The following ATP8A2 variants were observed in gnomAD, a reference collection of about 807,000 sequenced individuals.
ATP8A2 encodes the protein ATPase phospholipid transporting 8A2.
Under a neutral mutation model 165.6 loss-of-function variants are expected in ATP8A2, and 100 were observed. The observed-to-expected ratio is 0.60, with a 90% confidence interval of 0.51 to 0.71. ATP8A2 has a LOEUF of 0.71. ATP8A2 is among the 30% of genes least tolerant of loss of function. The probability of loss-of-function intolerance (pLI) is 0.00; values close to 1 mark genes in which losing one functional copy is unlikely to be tolerated. For synonymous variants in ATP8A2, 543 were observed against 548.8 expected (o/e 0.99, Z 0.15); for missense variants, 1,227 against 1,479.5 (o/e 0.83, Z 2.80).
chr13:25,935,971 T>C (rs548874446), intron 33 of ATP8A2, among the ~76,000 whole-genome samples: 84 of 152,348 alleles, frequency 5.5e-4, no homozygotes, highest in African/African-American at 1.9e-3. Flanking sequence ...ATTTTGAATG[T>C]TACCATAAAC....
At chr13:25,867,102 A>G (rs1045365015) in intron 33 of ATP8A2, among the ~76,000 whole-genome samples, 2 of 151,284 alleles carry the variant, frequency 1.3e-5, no homozygotes, top group African/African-American at 4.9e-5. Context: ...TGCAGTGACA[A>G]GCTCCTGACT....
chr13:25,711,157 A>G (rs1477661163), intron 25 of ATP8A2, among the ~76,000 whole-genome samples: 1 of 152,040 alleles, frequency 6.6e-6, no homozygotes, highest in Non-Finnish European at 1.5e-5. Context: ...GGGGCGTGCC[A>G]CCACACCCAG....
chr13:25,472,181 G>C (rs919015294), intron 2 of ATP8A2, among the ~76,000 whole-genome samples: 2 of 152,144 alleles, frequency 1.3e-5, no homozygotes, highest in Non-Finnish European at 2.9e-5. Context: ...ATCACTTGAA[G>C]CCAGGAGTTT....
intron 1 of ATP8A2, among the ~76,000 whole-genome samples, chr13:25,416,854 C>A (rs1426746322): frequency 1.3e-5 from 2 of 152,112 alleles, no homozygotes; most frequent in Non-Finnish European, 2.9e-5. Flanking sequence ...GTACATAAAG[C>A]AACTTCTTTT....
At chr13:25,841,051 G>C (rs1482102632) in intron 30 of ATP8A2, among the ~76,000 whole-genome samples, 1 of 152,206 alleles carries the variant, frequency 6.6e-6, no homozygotes. Context: ...GCTTCAAAAG[G>C]AACTAGTGTG....
At chr13:25,963,792 C>T (rs901358712) in intron 34 of ATP8A2, among the ~76,000 whole-genome samples, 22 of 152,192 alleles carry the variant, frequency 1.4e-4, no homozygotes, top group African/African-American at 1.7e-4. Context: ...TTTTCCAGTG[C>T]GTTCTGAGTA....
chr13:25,613,167 A>G (rs2040732585), intron 24 of ATP8A2, among the ~76,000 whole-genome samples: 2 of 152,130 alleles, frequency 1.3e-5, no homozygotes, highest in South Asian at 4.1e-4. Context: ...TCATCATGCT[A>G]TTTGTTACCT....
chr13:25,399,425 G>T (rs1480465585), intron 1 of ATP8A2, among the ~76,000 whole-genome samples: 57 of 64,866 alleles, frequency 8.8e-4, no homozygotes, highest in East Asian at 2.2e-3. Flanking sequence ...TTGAGACGGA[G>T]TTTCGCTCTG....
Position 25,532,438 on chromosome 13 carries a change from TAAAG to T in ATP8A2, c.466+125_466+128del, listed in dbSNP as rs376464672. The T allele has an allele frequency of 9.9e-4, 641 of 650,446 alleles. 9 individuals are homozygous for T. Among genetic ancestry groups the T allele is most frequent in the African/African-American group, 9.6e-3 (507 of 52,698 alleles). 40.3% of individuals were successfully genotyped at this position (650,446 alleles called of 1,614,324 possible). A position where few individuals can be genotyped will look rare whatever the true frequency, so the allele number is the denominator to read the frequency against. On this transcript the variant is annotated intron_variant, in intron 5 of 36. Coordinates refer to ENST00000381655, the MANE Select transcript of ATP8A2 (RefSeq NM_016529.6). Reference sequence around the variant, plus strand: ...TAAATTGGGAAGATGATCTATAAAATAAAGAAATAGTAAAATAACAAACAAACTG... The same window carrying T: ...TAAATTGGGAAGATGATCTATAAAATAAATAGTAAAATAACAAACAAACTG...
Position 25,581,843 on chromosome 13 carries a change from GC to G in ATP8A2, c.2034del (p.Ile679Ter). 6.2e-7 allele frequency: 1 copy of G among 1,614,090 alleles called. No individual in the cohort carries two copies. Among genetic ancestry groups the G allele is most frequent in the South Asian group, 1.1e-5 (1 of 91,062 alleles). The stretch of plus-strand genomic sequence containing the variant: ...GAATTTGCTGCTACTTGGAGCCACA[GC>G]CATAGAAGATCGCCTTCAAGCAGGA... ...EKNLLLLGAT[A>X]IEDRLQAGVP... On this transcript the variant is annotated frameshift_variant, in exon 23 of 37. Transcript: ENST00000381655. LOFTEE classifies it high-confidence loss of function.
chr13:25,904,129 T>G (rs1357689992), intron 33 of ATP8A2, among the ~76,000 whole-genome samples: 1 of 152,216 alleles, frequency 6.6e-6, no homozygotes, highest in Non-Finnish European at 1.5e-5. Flanking sequence ...AGATCCAAAG[T>G]GCTCTAGCAA....
intron 35 of ATP8A2, among the ~76,000 whole-genome samples, chr13:25,979,128 C>T (rs1956127507): frequency 6.6e-6 from 1 of 151,736 alleles, no homozygotes; most frequent in Non-Finnish European, 1.5e-5. Context: ...GTAAAGCCAG[C>T]ACTTGGAAAG....
At chr13:25,544,829 G>A (rs984197037) in intron 10 of ATP8A2, among the ~76,000 whole-genome samples, 1 of 152,088 alleles carries the variant, frequency 6.6e-6, no homozygotes, top group Non-Finnish European at 1.5e-5. Context: ...GTGAGTGACA[G>A]GGAGCAACTG....
At chr13:25,505,780 C>A (rs1336825970) in intron 2 of ATP8A2, among the ~76,000 whole-genome samples, 1 of 152,196 alleles carries the variant, frequency 6.6e-6, no homozygotes, top group Non-Finnish European at 1.5e-5. Context: ...TATGCTATAT[C>A]ATATTCTATG....
chr13:25,840,374 A>G (rs1357333091), intron 30 of ATP8A2, among the ~76,000 whole-genome samples: 4 of 152,228 alleles, frequency 2.6e-5, no homozygotes, highest in African/African-American at 4.8e-5. Flanking sequence ...CAAAGAATAT[A>G]AAGTTTCCAA....
chr13:25,430,101 C>T (rs534000916), intron 1 of ATP8A2, among the ~76,000 whole-genome samples: 26 of 152,210 alleles, frequency 1.7e-4, no homozygotes, highest in African/African-American at 5.8e-4. Flanking sequence ...ATTCCATTCC[C>T]GTTTTAGAGA....
chr13:25,512,025 C>T (rs2037242989), intron 2 of ATP8A2, among the ~76,000 whole-genome samples: 1 of 151,832 alleles, frequency 6.6e-6, no homozygotes, highest in Non-Finnish European at 1.5e-5. Flanking sequence ...AGGCAGAGGA[C>T]CCTGCGGCCT....
chr13:25,563,428 A>G (rs562447434), intron 15 of ATP8A2, among the ~76,000 whole-genome samples: 27 of 151,700 alleles, frequency 1.8e-4, no homozygotes, highest in African/African-American at 6.5e-4. Flanking sequence ...AAATTTCAGG[A>G]GGGAGTGGAG....
intron 27 of ATP8A2, among the ~76,000 whole-genome samples, chr13:25,784,980 G>T (rs989542208): frequency 4.0e-5 from 6 of 151,806 alleles, no homozygotes; most frequent in Non-Finnish European, 8.8e-5. Flanking sequence ...GGTCAGGCTG[G>T]TCTCAAACTC....
Sources: gnomAD v4.1 joint callset for allele counts (sites outside exome capture counted in the v4.1 genomes callset) on GRCh38, gnomAD v4.1.1 for gene constraint, MANE v1.5 for transcripts, NCBI Gene and HGNC (gene_info 2026-07-23, HGNC 2026-07-21) for gene names.